Variants in PELI2 observed in about 807,000 individuals in gnomAD.
PELI2 encodes pellino E3 ubiquitin protein ligase family member 2.
PELI2 carries 23 observed loss-of-function variants against 42.3 expected under a neutral mutation model. The ratio of observed to expected loss-of-function variants is 0.54; its 90% confidence interval spans 0.39 to 0.77. The LOEUF (loss-of-function observed/expected upper bound fraction) is 0.77. Ranked by LOEUF, PELI2 falls within the 30% of genes least tolerant of loss-of-function variation. The pLI, the probability that PELI2 is intolerant of heterozygous loss-of-function variation, is 0.00. For synonymous variants in PELI2, 245 were observed against 212.2 expected (o/e 1.15, Z -1.34); for missense variants, 463 against 553.2 (o/e 0.84, Z 1.64).
intron 1 of PELI2, among the ~76,000 whole-genome samples, chr14:56,168,541 G>C (rs927269084): frequency 2.6e-5 from 4 of 152,088 alleles, no homozygotes; most frequent in African/African-American, 7.2e-5. Flanking sequence ...TGTGAATGCT[G>C]CCTGGCCTGG....
chr14:56,231,482 A>G (rs1377187251), intron 2 of PELI2, among the ~76,000 whole-genome samples: 1 of 152,228 alleles, frequency 6.6e-6, no homozygotes, highest in Non-Finnish European at 1.5e-5. Flanking sequence ...CTACATGGAA[A>G]CTGAACAACC....
chr14:56,173,899 A>G (rs1250355538), intron 1 of PELI2, among the ~76,000 whole-genome samples: 1 of 152,150 alleles, frequency 6.6e-6, no homozygotes, highest in East Asian at 1.9e-4. Flanking sequence ...CACAAGTGAC[A>G]TGGATGTATC....
chr14:56,297,654 T>C lies in PELI2; in HGVS notation c.*488T>C, dbSNP rs1274899171. ...TGACCAGACAGCAGAGGGGCGGCTC[T>C]GTACAGTGTGACTGGTGGACAGATG... On this transcript the variant is annotated 3_prime_UTR_variant, in exon 6 of 6. Coordinates refer to ENST00000267460, the MANE Select transcript of PELI2 (RefSeq NM_021255.3). 1 of 155,156 alleles carries C rather than the reference T, an allele frequency of 6.4e-6. No individual in the cohort carries two copies. The highest frequency in any genetic ancestry group is 1.9e-4 in the East Asian group (1 of 5,280). 9.6% of individuals were successfully genotyped at this position (155,156 alleles called of 1,614,324 possible). A position where few individuals can be genotyped will look rare whatever the true frequency, so the allele number is the denominator to read the frequency against.
At chr14:56,203,057 AATT>A (rs2139710745) in intron 2 of PELI2, among the ~76,000 whole-genome samples, 1 of 152,340 alleles carries the variant, frequency 6.6e-6, no homozygotes, top group African/African-American at 2.4e-5. Flanking sequence ...AATATGGAGT[AATT>A]ATTGCACAGA....
At chr14:56,241,854 G>A (rs4898893) in intron 2 of PELI2, among the ~76,000 whole-genome samples, 65,609 of 152,000 alleles carry the variant, frequency 0.43, 14,406 homozygotes, top group South Asian at 0.53. Flanking sequence ...GTACAACGGT[G>A]GAACTAAGAC....
chr14:56,231,273 A>G (rs955933689), intron 2 of PELI2, among the ~76,000 whole-genome samples: 1 of 152,238 alleles, frequency 6.6e-6, no homozygotes, highest in Non-Finnish European at 1.5e-5. Flanking sequence ...AGACATCTAC[A>G]GAACTCTCCA....
chr14:56,132,672 A>AG (rs1255883021), intron 1 of PELI2, among the ~76,000 whole-genome samples: 1 of 152,186 alleles, frequency 6.6e-6, no homozygotes, highest in Non-Finnish European at 1.5e-5. Flanking sequence ...CATCTCCCTC[A>AG]GGAGAAGGGC....
At chr14:56,158,539 G>A (rs1884647672) in intron 1 of PELI2, among the ~76,000 whole-genome samples, 1 of 151,694 alleles carries the variant, frequency 6.6e-6, no homozygotes, top group African/African-American at 2.4e-5. Flanking sequence ...ACTTTTTGTA[G>A]AGGTGGGGTT....
intron 1 of PELI2, among the ~76,000 whole-genome samples, chr14:56,152,544 T>C (rs1054314687): frequency 1.3e-5 from 2 of 152,168 alleles, no homozygotes; most frequent in African/African-American, 4.8e-5. Flanking sequence ...ACCAACTTAC[T>C]ATAATTATTG....
intron 2 of PELI2, among the ~76,000 whole-genome samples, chr14:56,229,172 A>G (rs1887468629): frequency 6.6e-6 from 1 of 152,252 alleles, no homozygotes; most frequent in South Asian, 2.1e-4. Flanking sequence ...GGGGCAGGGA[A>G]TAGCTGAACA....
intron 2 of PELI2, among the ~76,000 whole-genome samples, chr14:56,232,970 A>G (rs897789502): frequency 6.6e-6 from 1 of 152,146 alleles, no homozygotes; most frequent in South Asian, 2.1e-4. Context: ...TAAGACAAAC[A>G]GAGAGCCAAA....
At chr14:56,164,669 G>A (rs555501716) in intron 1 of PELI2, among the ~76,000 whole-genome samples, 6 of 152,042 alleles carry the variant, frequency 3.9e-5, no homozygotes, top group African/African-American at 7.2e-5. Context: ...ACCAGGTTCC[G>A]GGCTTTTCTT....
Position 56,233,940 on chromosome 14 carries a change from G to A in PELI2, c.208-45736G>A, listed in dbSNP as rs574851076. 2.9e-4 allele frequency among the ~76,000 whole-genome samples: 44 copies of A among 152,302 alleles called. 1 individual carries two copies. Among genetic ancestry groups the A allele is most frequent in the Admixed American group, 7.2e-4 (11 of 15,312 alleles). On this transcript the variant is annotated intron_variant, in intron 2 of 5. Coordinates refer to ENST00000267460, the MANE Select transcript of PELI2 (RefSeq NM_021255.3). Reference sequence around the variant, plus strand: ...ATTAACCCCATCAAAAGTGGGCGAAGGACATGAACAGATACTTCTCAAAAG... The same window carrying A: ...ATTAACCCCATCAAAAGTGGGCGAAAGACATGAACAGATACTTCTCAAAAG...
chr14:56,220,578 A>G (rs118185152), intron 2 of PELI2, among the ~76,000 whole-genome samples: 2,718 of 152,314 alleles, frequency 0.018, 35 homozygotes, highest in Non-Finnish European at 0.026. Context: ...AAATCATGAG[A>G]TGAAACAATC....
intron 2 of PELI2, among the ~76,000 whole-genome samples, chr14:56,236,050 T>A (rs1307055559): frequency 2.6e-5 from 4 of 152,200 alleles, no homozygotes; most frequent in Admixed American, 6.5e-5. Flanking sequence ...ACTATTACTT[T>A]AAAAAAATTA....
At chr14:56,150,218 T>C (rs1884294381) in intron 1 of PELI2, among the ~76,000 whole-genome samples, 2 of 152,248 alleles carry the variant, frequency 1.3e-5, no homozygotes, top group African/African-American at 4.8e-5. Flanking sequence ...CAAGTGTGTC[T>C]GGTGGTTAAC....
intron 2 of PELI2, among the ~76,000 whole-genome samples, chr14:56,198,308 A>G (rs2139701475): frequency 6.6e-6 from 1 of 152,270 alleles, no homozygotes. Flanking sequence ...GAATTCAACC[A>G]TGTAGAGAGG....
At chr14:56,225,813 A>G (rs1015609448) in intron 2 of PELI2, among the ~76,000 whole-genome samples, 1 of 152,154 alleles carries the variant, frequency 6.6e-6, no homozygotes, top group African/African-American at 2.4e-5. Flanking sequence ...CTGCCCTTCC[A>G]TGGTCTAGCA....
intron 5 of PELI2, among the ~76,000 whole-genome samples, chr14:56,293,216 A>G (rs1889890412): frequency 6.6e-6 from 1 of 152,202 alleles, no homozygotes; most frequent in Admixed American, 6.5e-5. Flanking sequence ...CTGTGCTTAG[A>G]TAGTTGCTAT....
Sources: allele counts gnomAD v4.1 joint callset (sites outside exome capture counted in the v4.1 genomes callset), GRCh38; gene constraint gnomAD v4.1.1; transcripts MANE v1.5; gene names NCBI Gene and HGNC (gene_info 2026-07-23, HGNC 2026-07-21).